Variants in ATRNL1 observed in about 807,000 individuals in gnomAD.
ATRNL1 encodes the protein attractin like 1.
A neutral mutation model predicts 182.7 loss-of-function variants in ATRNL1; 95 were observed. That is an observed-to-expected ratio of 0.52 (90% CI 0.44 to 0.62). The LOEUF (loss-of-function observed/expected upper bound fraction) is 0.62. ATRNL1 is among the 20% of genes least tolerant of loss of function. ATRNL1 has a pLI of 0.00. For synonymous variants in ATRNL1, 576 were observed against 568.3 expected (o/e 1.01, Z -0.19); for missense variants, 1,471 against 1,679.5 (o/e 0.88, Z 2.17).
At chr10:115,913,283 AGT>A (rs1952741290) in intron 28 of ATRNL1, among the ~76,000 whole-genome samples, 1 of 152,172 alleles carries the variant, frequency 6.6e-6, no homozygotes, top group Non-Finnish European at 1.5e-5. Flanking sequence ...CCACCAACAC[AGT>A]CCTGAGTCCT....
rs375641158 is a variant in ATRNL1 at position 115,385,438 on chromosome 10, A to C, written c.3176-9221A>C. On this transcript the variant is annotated intron_variant, in intron 19 of 28. Transcript: ENST00000355044. ...TTTCTTCTTTCTGTTAAATTTTAAG[A>C]AGTCTTATAATATTTCACATAGAAG... Among the ~76,000 whole-genome samples, 4 of 152,032 alleles carry C rather than the reference A, an allele frequency of 2.6e-5. No individual in the cohort carries two copies. The East Asian group carries it at 7.7e-4, about 29-fold the overall frequency.
intron 26 of ATRNL1, among the ~76,000 whole-genome samples, chr10:115,605,895 C>T (rs1316397418): frequency 2.0e-5 from 3 of 151,878 alleles, no homozygotes; most frequent in Non-Finnish European, 4.4e-5. Context: ...CTAATTCCTA[C>T]AGACTGAGTT....
At chr10:115,334,706 AAAT>A (rs1450094248) in intron 19 of ATRNL1, among the ~76,000 whole-genome samples, 3 of 152,198 alleles carry the variant, frequency 2.0e-5, no homozygotes, top group African/African-American at 7.2e-5. Flanking sequence ...CACTATTCAA[AAAT>A]AATCATTGCT....
At chr10:115,405,647 A>G (rs1844784595) in intron 20 of ATRNL1, among the ~76,000 whole-genome samples, 1 of 151,814 alleles carries the variant, frequency 6.6e-6, no homozygotes, top group African/African-American at 2.4e-5. Flanking sequence ...GTTGTAGAGT[A>G]TTTCATTATA....
At chr10:115,233,555 C>T (rs562101464) in intron 9 of ATRNL1, among the ~76,000 whole-genome samples, 2 of 152,060 alleles carry the variant, frequency 1.3e-5, no homozygotes, top group Non-Finnish European at 2.9e-5. Context: ...ATCTTCAGCT[C>T]ATTGTTGAAT....
intron 26 of ATRNL1, among the ~76,000 whole-genome samples, chr10:115,672,430 C>T (rs1555041689): frequency 2.6e-5 from 4 of 151,942 alleles, no homozygotes; most frequent in Admixed American, 1.3e-4. Flanking sequence ...CCTGTTAATT[C>T]GATATTTATA....
intron 2 of ATRNL1, among the ~76,000 whole-genome samples, chr10:115,121,346 G>A (rs906656549): frequency 1.3e-5 from 2 of 152,136 alleles, no homozygotes; most frequent in Non-Finnish European, 2.9e-5. Flanking sequence ...TCCTGACCTC[G>A]TGATCTGCCT....
chr10:115,173,578 G>A (rs1554886122), intron 8 of ATRNL1, among the ~76,000 whole-genome samples: 2 of 151,790 alleles, frequency 1.3e-5, no homozygotes, highest in Non-Finnish European at 2.9e-5. Context: ...AAATTTTAAA[G>A]TGTTAGTGTA....
Position 115,128,016 on chromosome 10 carries a change from G to A in ATRNL1, c.620+295G>A, listed in dbSNP as rs146348890. 1.8e-3 allele frequency among the ~76,000 whole-genome samples: 269 copies of A among 152,294 alleles called. 1 individual carries two copies. The highest frequency in any genetic ancestry group is 3.9e-3 in the South Asian group (19 of 4,826). ...TAGCTTTACTGGTAGCAACAGATGTGGTGAGACTGCAGGGAGTTGTGAACT... is the reference window on the plus strand; with the variant it reads ...TAGCTTTACTGGTAGCAACAGATGTAGTGAGACTGCAGGGAGTTGTGAACT... On this transcript the variant is annotated intron_variant, in intron 4 of 28. Coordinates refer to ENST00000355044, the MANE Select transcript of ATRNL1 (RefSeq NM_207303.4).
At chr10:115,908,344 G>T (rs374332423) in intron 28 of ATRNL1, among the ~76,000 whole-genome samples, 12 of 152,086 alleles carry the variant, frequency 7.9e-5, no homozygotes, top group African/African-American at 2.2e-4. Flanking sequence ...CTCTGGGAAA[G>T]AATCTGTTTC....
At chr10:115,197,592 A>G (rs1848408501) in intron 8 of ATRNL1, among the ~76,000 whole-genome samples, 1 of 152,144 alleles carries the variant, frequency 6.6e-6, no homozygotes, top group African/African-American at 2.4e-5. Context: ...TTTAAGGTCA[A>G]ATAAGATTAC....
At chr10:115,333,000 G>T (rs1554935529) in intron 18 of ATRNL1, among the ~76,000 whole-genome samples, 5 of 152,072 alleles carry the variant, frequency 3.3e-5, no homozygotes, top group African/African-American at 1.2e-4. Flanking sequence ...TGTACAATTT[G>T]GTCCTCTGTC....
At chr10:115,706,270 C>G (rs572520365) in intron 26 of ATRNL1, among the ~76,000 whole-genome samples, 2 of 151,964 alleles carry the variant, frequency 1.3e-5, no homozygotes, top group Admixed American at 1.3e-4. Context: ...TCACATCTTA[C>G]TTTAGTGGTC....
intron 5 of ATRNL1, among the ~76,000 whole-genome samples, chr10:115,147,890 G>A (rs543012623): frequency 2.3e-4 from 35 of 152,076 alleles, no homozygotes; most frequent in African/African-American, 8.2e-4. Context: ...GAAGTCCAGT[G>A]GTGTGATACC....
chr10:115,658,812 G>C (rs185437373), intron 26 of ATRNL1, among the ~76,000 whole-genome samples: 125 of 152,228 alleles, frequency 8.2e-4, no homozygotes, highest in Non-Finnish European at 2.9e-4. Context: ...AGACATACTT[G>C]AGACTGGGTA....
intron 25 of ATRNL1, among the ~76,000 whole-genome samples, chr10:115,540,535 GT>G (rs1554991676): frequency 6.6e-6 from 1 of 152,024 alleles, no homozygotes; most frequent in African/African-American, 2.4e-5. Flanking sequence ...GCTGAGGCAG[GT>G]GGATCACGAG....
intron 26 of ATRNL1, among the ~76,000 whole-genome samples, chr10:115,554,827 G>A (rs1187804234): frequency 6.6e-6 from 1 of 151,534 alleles, no homozygotes; most frequent in African/African-American, 2.4e-5. Context: ...TGTTTTTACT[G>A]TATATACAAT....
chr10:115,891,955 A>G (rs1405505041), intron 28 of ATRNL1, among the ~76,000 whole-genome samples: 3 of 152,164 alleles, frequency 2.0e-5, no homozygotes, highest in African/African-American at 7.2e-5. Flanking sequence ...ATGCTCACAC[A>G]TTTACTTCCT....
At chr10:115,287,924 G>GTTTTTTTTTTTTTTTTTTTTTTTT (rs11298663) in intron 15 of ATRNL1, among the ~76,000 whole-genome samples, 1 of 91,020 alleles carries the variant, frequency 1.1e-5, no homozygotes, top group Non-Finnish European at 2.2e-5. Flanking sequence ...AAGATCAACT[G>GTTTTTTTTTTTTTTTTTTTTTTTT]TTTTTTTTTT....
Sources: allele counts gnomAD v4.1 joint callset (sites outside exome capture counted in the v4.1 genomes callset), GRCh38; gene constraint gnomAD v4.1.1; transcripts MANE v1.5; gene names NCBI Gene and HGNC (gene_info 2026-07-23, HGNC 2026-07-21).